The following LRIG1 variants were observed in gnomAD, a reference collection of about 807,000 sequenced individuals.
LRIG1 encodes the protein leucine rich repeats and immunoglobulin like domains 1.
LRIG1 carries 48 observed loss-of-function variants against 99.2 expected under a neutral mutation model. The observed-to-expected ratio is 0.48, with a 90% CI of 0.38 to 0.62. LRIG1 has a LOEUF of 0.62. Among genes scored for constraint, LRIG1 ranks in the 20% least tolerant of loss-of-function variants. The pLI is 0.00. For missense variants in LRIG1, 1,646 were observed against 1,434.4 expected (o/e 1.15, Z -2.38); for synonymous variants, 772 against 596.1 (o/e 1.29, Z -4.30).
Position 66,384,264 on chromosome 3 carries a change from ATGGCAACAC to A in LRIG1, c.1790-1_1797del. ...ATGTCGTGGGGCGTTTTGGTGAATG[ATGGCAACAC>A]TGGAAAACATACGTATACAGGGTCG... On this transcript the variant is annotated splice_acceptor_variant and coding_sequence_variant, in exon 14 of 19. Transcript: ENST00000273261. LOFTEE classifies it high-confidence loss of function. 1 of 1,610,976 alleles carries A rather than the reference ATGGCAACAC, an allele frequency of 6.2e-7. No individual in the cohort carries two copies. The highest frequency in any genetic ancestry group is 8.5e-7 in the Non-Finnish European group (1 of 1,177,348).
chr3:66,393,923 T>C, intron 12 of LRIG1, 117 bp downstream of exon 12: 1 of 1,080,350 alleles, frequency 9.3e-7, no homozygotes, highest in South Asian at 1.5e-5. Flanking sequence ...CAGCAGCTGA[T>C]CTGTAACCAC....
In LRIG1 at chr3:66,500,393, G is replaced by T; in HGVS notation, c.15C>A (p.Val5=). Residue 5 remains valine (V), a synonymous_variant, in exon 1 of 19, where the codon GTC becomes GTA. Transcript: ENST00000273261. MARP[V]RGGLGAPRRS... is the part of the protein sequence containing the mutation. ...GGCGCGGGGCCCCGAGCCCTCCCCG[G>T]ACCGGCCGCGCCATCTTGTCTGGAG... 1 of 1,428,326 alleles carries T rather than the reference G, an allele frequency of 7.0e-7. No individual in the cohort carries two copies. Among genetic ancestry groups the T allele is most frequent in the South Asian group, 1.5e-5 (1 of 67,186 alleles). The allele number at this position is 1,428,326 out of a possible 1,614,324, so 88.5% of individuals were successfully genotyped here. A position where few individuals can be genotyped will look rare whatever the true frequency, so the allele number is the denominator to read the frequency against.
chr3:66,449,428 A>G (rs546052979), intron 3 of LRIG1, among the ~76,000 whole-genome samples: 2 of 152,356 alleles, frequency 1.3e-5, no homozygotes, highest in South Asian at 4.1e-4. Flanking sequence ...CCAAACAGGG[A>G]GTAACTCTCT....
At chr3:66,463,867 A>C (rs899400508) in intron 1 of LRIG1, among the ~76,000 whole-genome samples, 4 of 152,236 alleles carry the variant, frequency 2.6e-5, no homozygotes, top group Admixed American at 2.6e-4. Flanking sequence ...GTTCATCTAA[A>C]TAAAAGTCAA....
intron 1 of LRIG1, among the ~76,000 whole-genome samples, chr3:66,478,287 G>A (rs1365473650): frequency 6.6e-6 from 1 of 152,204 alleles, no homozygotes; most frequent in Non-Finnish European, 1.5e-5. Flanking sequence ...TAACCCCAAT[G>A]GGGCAGAAAA....
At chr3:66,444,973 A>G (rs74751438) in intron 3 of LRIG1, among the ~76,000 whole-genome samples, 9,079 of 152,016 alleles carry the variant, frequency 0.06, 352 homozygotes, top group South Asian at 0.15. Context: ...GTGTATATAT[A>G]TAATTCCTCC....
intron 12 of LRIG1, among the ~76,000 whole-genome samples, chr3:66,392,836 A>G (rs1701675915): frequency 6.6e-6 from 1 of 152,202 alleles, no homozygotes; most frequent in African/African-American, 2.4e-5. Flanking sequence ...ACTTGATGAC[A>G]ATGGGCCAAT....
chr3:66,495,247 T>C (rs1227461107), intron 1 of LRIG1, among the ~76,000 whole-genome samples: 1 of 152,204 alleles, frequency 6.6e-6, no homozygotes, highest in Non-Finnish European at 1.5e-5. Context: ...GATTTTTAGA[T>C]ATTTGCCCTT....
chr3:66,413,668 C>T (rs369292504), intron 5 of LRIG1, among the ~76,000 whole-genome samples: 1 of 152,124 alleles, frequency 6.6e-6, no homozygotes, highest in Non-Finnish European at 1.5e-5. Flanking sequence ...AGCACCCCTG[C>T]GGGAAGGGGA....
intron 1 of LRIG1, chr3:66,498,031 C>A (rs943654728): frequency 6.6e-6 from 1 of 152,152 alleles, no homozygotes; most frequent in Non-Finnish European, 1.5e-5. Context: ...AGTCTGAAGT[C>A]TAGAAAAAAA....
At position 66,462,419 on chromosome 3, in the gene LRIG1, G is replaced by GTA. The variant is rs748247016; in HGVS notation, c.290+18_290+19insTA. 18 of 1,594,716 alleles carry GTA rather than the reference G, an allele frequency of 1.1e-5. No homozygotes were observed. The highest frequency in any genetic ancestry group is 1.5e-5 in the Non-Finnish European group (18 of 1,163,984). On this transcript the variant is annotated intron_variant, in intron 2 of 18. Transcript: ENST00000273261. ...GCTCTCCATCCTTCCATCCACCAGA[G>GTA]GTTTAGGGGGAGACTCACACTTCCT...
chr3:66,443,351 GCGGGGGA>G (rs1703609988), intron 3 of LRIG1, among the ~76,000 whole-genome samples: 2 of 143,766 alleles, frequency 1.4e-5, no homozygotes, highest in African/African-American at 2.6e-5. Context: ...GAGTGAGGGG[GCGGGGGA>G]TGAGTGAGGG....
chr3:66,405,101 C>T, intron 9 of LRIG1, 97 bp downstream of exon 9: 4 of 1,056,340 alleles, frequency 3.8e-6, no homozygotes, highest in South Asian at 1.3e-5. Context: ...TCCGCCTGGG[C>T]CCAGAGCAGA....
chr3:66,455,412 T>A (rs906094464), intron 2 of LRIG1, among the ~76,000 whole-genome samples: 1 of 152,260 alleles, frequency 6.6e-6, no homozygotes, highest in African/African-American at 2.4e-5. Context: ...TAGAGATGTG[T>A]ATGTGTTTTT....
intron 3 of LRIG1, among the ~76,000 whole-genome samples, chr3:66,427,722 T>C (rs974996858): frequency 1.3e-5 from 2 of 152,250 alleles, no homozygotes; most frequent in African/African-American, 4.8e-5. Context: ...AACATTTTTA[T>C]TGAAATATAA....
chr3:66,423,866 T>G lies in LRIG1; in HGVS notation c.366-6600A>C, dbSNP rs551964231. 5.3e-5 allele frequency among the ~76,000 whole-genome samples: 8 copies of G among 152,372 alleles called. No individual in the cohort carries two copies. The South Asian group carries it at 1.7e-3, about 32-fold the overall frequency. On this transcript the variant is annotated intron_variant, in intron 3 of 18. Coordinates refer to ENST00000273261, the MANE Select transcript of LRIG1 (RefSeq NM_015541.3). ...CCATGGGCTGATATGACCTGACACG[T>G]AACAACTGCTCAATAAAATGAGTTC...
At chr3:66,386,626 A>C in intron 12 of LRIG1, 1 of 285,950 alleles carries the variant, frequency 3.5e-6, no homozygotes, top group South Asian at 5.0e-5. Flanking sequence ...TTCACACAAA[A>C]CAGTCAGGCA....
chr3:66,427,994 T>C (rs80339478), intron 3 of LRIG1, among the ~76,000 whole-genome samples: 2,884 of 152,344 alleles, frequency 0.019, 110 homozygotes, highest in African/African-American at 0.065. Flanking sequence ...GTACGATATT[T>C]CTATTGACAG....
At chr3:66,382,837 G>A in intron 15 of LRIG1, 145 bp downstream of exon 15, 1 of 721,464 alleles carries the variant, frequency 1.4e-6, no homozygotes, top group Non-Finnish European at 2.2e-6. Context: ...GTTCCTCAAA[G>A]TTAAAATGGA....
Sources: allele counts gnomAD v4.1 joint callset (sites outside exome capture counted in the v4.1 genomes callset), GRCh38; gene constraint gnomAD v4.1.1; transcripts MANE v1.5; gene names NCBI Gene and HGNC (gene_info 2026-07-23, HGNC 2026-07-21).